Variants in PIEZO2 observed in about 807,000 individuals in gnomAD.
PIEZO2 encodes piezo-type mechanosensitive ion channel component 2.
PIEZO2 carries 172 observed loss-of-function variants against 337.3 expected under a neutral mutation model. The ratio of observed to expected loss-of-function variants is 0.51; its 90% confidence interval spans 0.45 to 0.58. PIEZO2 has a LOEUF of 0.58. Ranked by LOEUF, PIEZO2 falls within the 20% of genes least tolerant of loss-of-function variation. The pLI, the probability that PIEZO2 is intolerant of heterozygous loss-of-function variation, is 0.00. For synonymous variants in PIEZO2, 1,251 were observed against 1,228.5 expected (o/e 1.02, Z -0.38); for missense variants, 3,028 against 3,391.3 (o/e 0.89, Z 2.66).
At chr18:11,137,721 C>A (rs1405754634) in intron 1 of PIEZO2, among the ~76,000 whole-genome samples, 2 of 152,166 alleles carry the variant, frequency 1.3e-5, no homozygotes, top group African/African-American at 2.4e-5. Flanking sequence ...CTCTGCCCAT[C>A]TCTCTAATTC....
In PIEZO2 at chr18:10,759,479, T is replaced by TA. The variant is rs2143842257; in HGVS notation, c.3757+2dup. 6.5e-7 allele frequency: 1 copy of TA among 1,535,440 alleles called. No individual in the cohort carries two copies. Among genetic ancestry groups the TA allele is most frequent in the Admixed American group, 2.0e-5 (1 of 50,994 alleles). Reference sequence around the variant, plus strand: ...TCTGTGGCCCTGCAGTGGAAACACTTACAGACGAGAAACACAGGGTTGGGC... The same window carrying TA: ...TCTGTGGCCCTGCAGTGGAAACACTTAACAGACGAGAAACACAGGGTTGGGC... On this transcript the variant is annotated splice_region_variant and intron_variant, in intron 26 of 55. Transcript: ENST00000674853. The surrounding 1 kb of genome is among the most constrained non-coding windows in gnomAD (Gnocchi z 5.5).
intron 1 of PIEZO2, among the ~76,000 whole-genome samples, chr18:11,074,347 A>T (rs1260276636): frequency 6.6e-6 from 1 of 152,176 alleles, no homozygotes; most frequent in Non-Finnish European, 1.5e-5. Context: ...AGAACAACAA[A>T]AATGCAGGTC....
intron 3 of PIEZO2, among the ~76,000 whole-genome samples, chr18:10,949,295 T>C (rs571509953): frequency 6.6e-6 from 1 of 152,354 alleles, no homozygotes; most frequent in African/African-American, 2.4e-5. Flanking sequence ...GCCCTTCACA[T>C]AATCAATGCA....
At chr18:10,684,765 C>A (rs1043415046) in intron 49 of PIEZO2, among the ~76,000 whole-genome samples, 1 of 152,234 alleles carries the variant, frequency 6.6e-6, no homozygotes, top group South Asian at 2.1e-4. Flanking sequence ...CACATTCAGC[C>A]TCCCCTCCCT....
intron 40 of PIEZO2, 111 bp from the exon 41 acceptor site, chr18:10,705,857 T>TC: frequency 7.8e-7 from 1 of 1,280,666 alleles, no homozygotes. Context: ...TGCCCCATTT[T>TC]CCCCCCTGCA....
Position 10,726,055 on chromosome 18 carries a change from A to T in PIEZO2, c.5029+5352T>A, listed in dbSNP as rs1244706375. 2.6e-5 allele frequency among the ~76,000 whole-genome samples: 4 copies of T among 151,792 alleles called. No homozygotes were observed. Among genetic ancestry groups the T allele is most frequent in the Non-Finnish European group, 5.9e-5 (4 of 67,914 alleles). On this transcript the variant is annotated intron_variant, in intron 36 of 55. Coordinates refer to ENST00000674853, the MANE Select transcript of PIEZO2 (RefSeq NM_001378183.1). This position sits in a 1 kb window ranked among gnomAD's most constrained non-coding sequence, Gnocchi z 5.9. Reference sequence around the variant, plus strand: ...CCCAGGATGTTGGGCAGGGTGGTATATGTATTCTTGTGTCCAGGAGGGCTG... The same window carrying T: ...CCCAGGATGTTGGGCAGGGTGGTATTTGTATTCTTGTGTCCAGGAGGGCTG...
rs71362202 is a variant in PIEZO2, at chr18:11,073,848, C to CTTTT, written c.65-7630_65-7627dup. ...CGACTTAGAAGACAAATAACAACTG[C>CTTTT]TTTTTTTTTTTTTTTTGAGACAGAG... On this transcript the variant is annotated intron_variant, in intron 1 of 55. Transcript: ENST00000674853. Among the ~76,000 whole-genome samples the CTTTT allele has an allele frequency of 1.1e-4, 15 of 137,166 alleles. 1 individual carries two copies. The highest frequency in any genetic ancestry group is 2.3e-4 in the South Asian group (1 of 4,308). The allele number at this position is 137,166 out of a possible 152,430, so 90.0% of individuals were successfully genotyped here. A position where few individuals can be genotyped will look rare whatever the true frequency, so the allele number is the denominator to read the frequency against.
chr18:10,702,993 A>G (rs920702220), intron 42 of PIEZO2, among the ~76,000 whole-genome samples: 10 of 152,332 alleles, frequency 6.6e-5, no homozygotes, highest in African/African-American at 2.2e-4. Flanking sequence ...CTTGGACTAC[A>G]GGTGTAAGCC....
At chr18:11,141,743 C>A (rs1430091292) in intron 1 of PIEZO2, among the ~76,000 whole-genome samples, 1 of 152,104 alleles carries the variant, frequency 6.6e-6, no homozygotes, top group African/African-American at 2.4e-5. Context: ...TTGGTGTTGA[C>A]CAAGTTGAAT....
In PIEZO2 at chr18:11,148,639, G is replaced by A. The variant is rs1599034138; in HGVS notation, c.-51C>T. 6.5e-7 allele frequency: 1 copy of A among 1,528,558 alleles called. No homozygotes were observed. Among genetic ancestry groups the A allele is most frequent in the Non-Finnish European group, 8.8e-7 (1 of 1,139,666 alleles). The allele number at this position is 1,528,558 out of a possible 1,614,324, so 94.7% of individuals were successfully genotyped here. On this transcript the variant is annotated 5_prime_UTR_variant, in exon 1 of 56. Coordinates refer to ENST00000674853, the MANE Select transcript of PIEZO2 (RefSeq NM_001378183.1). This position sits in a 1 kb window ranked among gnomAD's most constrained non-coding sequence, Gnocchi z 5.2. ...GAGGGGCGAGGCTCGAGGGTCCCTA[G>A]GGGTGGTGGGACGCAAGGCCCATGC...
rs2041934589 is a variant in PIEZO2 at position 10,863,731 on chromosome 18, G to C, written c.493-6520C>G. Among the ~76,000 whole-genome samples, 1 of 152,184 alleles carries C rather than the reference G, an allele frequency of 6.6e-6. No individual in the cohort carries two copies. The highest frequency in any genetic ancestry group is 2.4e-5 in the African/African-American group (1 of 41,446). ...TACTTAGAATGGCAATAGTCTTTAAGAATCATCTGAACATCATTTGAAAGG... is the reference window on the plus strand; with the variant it reads ...TACTTAGAATGGCAATAGTCTTTAACAATCATCTGAACATCATTTGAAAGG... On this transcript the variant is annotated intron_variant, in intron 5 of 55. Coordinates refer to ENST00000674853, the MANE Select transcript of PIEZO2 (RefSeq NM_001378183.1). This position sits in a 1 kb window ranked among gnomAD's most constrained non-coding sequence, Gnocchi z 4.3.
rs553070508 is a variant in PIEZO2 at position 10,945,521 on chromosome 18, C to G, written c.286+34014G>C. Among the ~76,000 whole-genome samples the G allele has an allele frequency of 2.0e-4, 31 of 152,156 alleles. No individual in the cohort carries two copies. The highest frequency in any genetic ancestry group is 1.8e-3 in the Admixed American group (27 of 15,274). Reference sequence around the variant, plus strand: ...CCTCACAAATGTTTAAACAAAACACCCCCAAGAGATCAAAACATTTCCAAA... The same window carrying G: ...CCTCACAAATGTTTAAACAAAACACGCCCAAGAGATCAAAACATTTCCAAA... On this transcript the variant is annotated intron_variant, in intron 3 of 55. Coordinates refer to ENST00000674853, the MANE Select transcript of PIEZO2 (RefSeq NM_001378183.1). This position sits in a 1 kb window ranked among gnomAD's most constrained non-coding sequence, Gnocchi z 4.0.
chr18:10,759,948 G>C lies in PIEZO2; in HGVS notation c.3451-39C>G. 6.6e-7 allele frequency: 1 copy of C among 1,512,966 alleles called. No homozygotes were observed. Among genetic ancestry groups the C allele is most frequent in the East Asian group, 2.5e-5 (1 of 40,644 alleles). 93.7% of individuals were successfully genotyped at this position (1,512,966 alleles called of 1,614,324 possible). ...AAAAGAGGCAAAAAAAAAAAATCAGGCATATGGGAAAGGGGACTGGTGATA... is the reference window on the plus strand; with the variant it reads ...AAAAGAGGCAAAAAAAAAAAATCAGCCATATGGGAAAGGGGACTGGTGATA... On this transcript the variant is annotated intron_variant, in intron 24 of 55. Transcript: ENST00000674853. This position sits in a 1 kb window ranked among gnomAD's most constrained non-coding sequence, Gnocchi z 5.5.
chr18:10,897,270 C>T (rs2042926835), intron 4 of PIEZO2, among the ~76,000 whole-genome samples: 1 of 152,000 alleles, frequency 6.6e-6, no homozygotes, highest in African/African-American at 2.4e-5. Flanking sequence ...CACTGCAACC[C>T]CCACGTCCCA....
chr18:10,788,427 AAAGGAAGG>A (rs10532745), intron 15 of PIEZO2, among the ~76,000 whole-genome samples: 12,226 of 123,860 alleles, frequency 0.099, 778 homozygotes, highest in African/African-American at 0.18. Context: ...AAAAAGAAAG[AAAGGAAGG>A]AAGGAAGGAA....
intron 4 of PIEZO2, among the ~76,000 whole-genome samples, chr18:10,881,629 G>C (rs1235771184): frequency 6.6e-6 from 1 of 152,174 alleles, no homozygotes; most frequent in Non-Finnish European, 1.5e-5. Flanking sequence ...ATGGAAATTG[G>C]TATAAATGCT....
Position 10,847,721 on chromosome 18 carries a change from T to A in PIEZO2, c.917+7632A>T, listed in dbSNP as rs1179780503. Among the ~76,000 whole-genome samples, 1 of 152,214 alleles carries A rather than the reference T, an allele frequency of 6.6e-6. No homozygotes were observed. The highest frequency in any genetic ancestry group is 6.5e-5 in the Admixed American group (1 of 15,278). ...GGGGCACCTAACTCTACCTTTCAGA[T>A]AAGCATAAATGAACTCTGAATGAGA... is the stretch of plus-strand genomic sequence containing the variant. On this transcript the variant is annotated intron_variant, in intron 7 of 55. Transcript: ENST00000674853. The surrounding 1 kb of genome is among the most constrained non-coding windows in gnomAD (Gnocchi z 5.7).
rs1015051179 is a variant in PIEZO2 at position 11,105,867 on chromosome 18, T to G, written c.65-39645A>C. Among the ~76,000 whole-genome samples, 1 of 152,148 alleles carries G rather than the reference T, an allele frequency of 6.6e-6. No individual in the cohort carries two copies. Among genetic ancestry groups the G allele is most frequent in the Non-Finnish European group, 1.5e-5 (1 of 68,026 alleles). ...AGATCAGTGGCTTAATGGGCCACAA[T>G]TACTCCCAAACAATCTAGTCCTTCT... On this transcript the variant is annotated intron_variant, in intron 1 of 55. Coordinates refer to ENST00000674853, the MANE Select transcript of PIEZO2 (RefSeq NM_001378183.1). This position sits in a 1 kb window ranked among gnomAD's most constrained non-coding sequence, Gnocchi z 4.3.
intron 2 of PIEZO2, among the ~76,000 whole-genome samples, chr18:11,019,598 T>C (rs980348716): frequency 7.2e-5 from 11 of 152,198 alleles, no homozygotes; most frequent in African/African-American, 2.7e-4. Flanking sequence ...TTCTAGTTTC[T>C]CTTGTGACCT....
Sources: gnomAD v4.1 joint callset for allele counts (sites outside exome capture counted in the v4.1 genomes callset) on GRCh38, gnomAD v4.1.1 for gene constraint, Gnocchi (gnomAD v3.1) non-coding constraint, MANE v1.5 for transcripts, NCBI Gene and HGNC (gene_info 2026-07-23, HGNC 2026-07-21) for gene names.